The following PTPRD variants were observed in gnomAD, a reference collection of about 807,000 sequenced individuals.
PTPRD encodes protein tyrosine phosphatase receptor type D, also known as receptor-type tyrosine-protein phosphatase delta.
A neutral mutation model predicts 214.5 loss-of-function variants in PTPRD; 34 were observed. That is an observed-to-expected ratio of 0.16 (90% CI 0.12 to 0.21). PTPRD has a LOEUF of 0.21. Ranked by LOEUF, PTPRD falls within the 10% of genes least tolerant of loss-of-function variation. PTPRD has a pLI of 1.00. For missense variants in PTPRD, 2,545 were observed against 2,398.7 expected (o/e 1.06, Z -1.27); for synonymous variants, 1,128 against 845.7 (o/e 1.33, Z -5.79).
At chr9:10,605,742 C>G (rs370692736) in intron 2 of PTPRD, among the ~76,000 whole-genome samples, 2 of 151,716 alleles carry the variant, frequency 1.3e-5, no homozygotes, top group Non-Finnish European at 2.9e-5. Context: ...TTTATGATAA[C>G]GTGGATACAT....
Position 9,887,867 on chromosome 9 carries a change from A to G in PTPRD, c.-368+50640T>C, listed in dbSNP as rs2071567473. ...TATGGAATATCTATTCCATTACCTGAAAAACAAATAAGACAAATGTGTCCC... is the reference window on the plus strand; with the variant it reads ...TATGGAATATCTATTCCATTACCTGGAAAACAAATAAGACAAATGTGTCCC... On this transcript the variant is annotated intron_variant, in intron 5 of 45. Transcript: ENST00000381196. 2.0e-5 allele frequency among the ~76,000 whole-genome samples: 3 copies of G among 152,152 alleles called. No homozygotes were observed. The South Asian group carries it at 6.2e-4, about 32-fold the overall frequency.
chr9:9,641,042 A>G (rs1554758079), intron 7 of PTPRD, among the ~76,000 whole-genome samples: 2 of 97,876 alleles, frequency 2.0e-5, no homozygotes, highest in Non-Finnish European at 5.7e-5. Flanking sequence ...ATTACTAATG[A>G]TTTTGGCAGC....
intron 3 of PTPRD, among the ~76,000 whole-genome samples, chr9:10,323,922 G>T (rs530378480): frequency 2.6e-5 from 4 of 151,926 alleles, no homozygotes; most frequent in Non-Finnish European, 5.9e-5. Context: ...AAGAGCACTT[G>T]TTCTCTAAGG....
intron 8 of PTPRD, among the ~76,000 whole-genome samples, chr9:9,427,153 TA>T (rs2081278952): frequency 6.6e-6 from 1 of 152,106 alleles, no homozygotes; most frequent in African/African-American, 2.4e-5. Context: ...ACAAAGAAGC[TA>T]AAAACCTTGA....
At chr9:9,650,631 T>C (rs1276907164) in intron 7 of PTPRD, among the ~76,000 whole-genome samples, 1 of 152,148 alleles carries the variant, frequency 6.6e-6, no homozygotes, top group African/African-American at 2.4e-5. Flanking sequence ...TCTCAGAGAA[T>C]GAAGGGTGAG....
intron 8 of PTPRD, among the ~76,000 whole-genome samples, chr9:9,477,126 C>G (rs1461700389): frequency 6.6e-6 from 1 of 152,114 alleles, no homozygotes; most frequent in African/African-American, 2.4e-5. Context: ...GCAAATGGTC[C>G]AAGAATGTAG....
chr9:10,521,889 A>T (rs1464335926), intron 2 of PTPRD, among the ~76,000 whole-genome samples: 1 of 152,158 alleles, frequency 6.6e-6, no homozygotes, highest in African/African-American at 2.4e-5. Context: ...GAAATGGGGA[A>T]CCAAAAAATA....
intron 36 of PTPRD, among the ~76,000 whole-genome samples, chr9:8,397,265 G>A (rs990498956): frequency 2.6e-5 from 4 of 151,956 alleles, no homozygotes; most frequent in African/African-American, 7.3e-5. Flanking sequence ...AGAGAAATCC[G>A]GAGGGAGAAA....
chr9:10,610,347 C>T (rs1457001113), intron 2 of PTPRD, among the ~76,000 whole-genome samples: 1 of 152,128 alleles, frequency 6.6e-6, no homozygotes, highest in Non-Finnish European at 1.5e-5. Context: ...ATGTTACTTA[C>T]AAATATTTGC....
chr9:10,143,180 C>T (rs893184872), intron 3 of PTPRD, among the ~76,000 whole-genome samples: 31 of 151,844 alleles, frequency 2.0e-4, no homozygotes, highest in African/African-American at 6.8e-4. Context: ...TGCTAGATGA[C>T]GAGTTAGTGG....
At chr9:9,531,371 T>A (rs1014927301) in intron 8 of PTPRD, among the ~76,000 whole-genome samples, 1 of 152,158 alleles carries the variant, frequency 6.6e-6, no homozygotes, top group Non-Finnish European at 1.5e-5. Context: ...AAGTACCTAT[T>A]AGTAATTGGA....
At chr9:8,534,027 A>C (rs2076330791) in intron 14 of PTPRD, among the ~76,000 whole-genome samples, 2 of 152,030 alleles carry the variant, frequency 1.3e-5, no homozygotes, top group Non-Finnish European at 2.9e-5. Context: ...TATTAGAATT[A>C]GAGACTTAAA....
intron 14 of PTPRD, among the ~76,000 whole-genome samples, chr9:8,532,306 T>C (rs2075905539): frequency 6.6e-6 from 1 of 152,114 alleles, no homozygotes; most frequent in Non-Finnish European, 1.5e-5. Flanking sequence ...CTAATTGGAA[T>C]GCTTATCTCC....
intron 3 of PTPRD, among the ~76,000 whole-genome samples, chr9:10,077,019 C>T (rs2098142347): frequency 6.6e-6 from 1 of 152,118 alleles, no homozygotes; most frequent in Non-Finnish European, 1.5e-5. Flanking sequence ...AATCTGATGT[C>T]CATAGCTGAA....
intron 14 of PTPRD, among the ~76,000 whole-genome samples, chr9:8,580,253 G>C (rs574223603): frequency 4.6e-5 from 7 of 152,286 alleles, no homozygotes; most frequent in Admixed American, 3.3e-4. Context: ...ATAAGCATTA[G>C]AGGGAGATAA....
At chr9:9,353,513 T>A (rs2052350300) in intron 9 of PTPRD, among the ~76,000 whole-genome samples, 1 of 151,756 alleles carries the variant, frequency 6.6e-6, no homozygotes, top group African/African-American at 2.4e-5. Context: ...TATATTGCAA[T>A]CTTGAGTGAT....
chr9:9,567,153 T>G (rs1230926271), intron 8 of PTPRD, among the ~76,000 whole-genome samples: 1 of 151,960 alleles, frequency 6.6e-6, no homozygotes, highest in Non-Finnish European at 1.5e-5. Context: ...GCATTTGAGC[T>G]GAAATTTGAA....
At chr9:10,382,966 A>G (rs761129865) in intron 2 of PTPRD, among the ~76,000 whole-genome samples, 6 of 151,826 alleles carry the variant, frequency 4.0e-5, no homozygotes, top group Non-Finnish European at 7.4e-5. Flanking sequence ...GAGCTTCTGA[A>G]TGAGTTGGAA....
chr9:9,771,834 G>A (rs1255100120), intron 5 of PTPRD, among the ~76,000 whole-genome samples: 2 of 152,072 alleles, frequency 1.3e-5, no homozygotes, highest in African/African-American at 4.8e-5. Context: ...CAGATGTGTT[G>A]TAAACAGAAT....
Sources: gnomAD v4.1 joint callset for allele counts (sites outside exome capture counted in the v4.1 genomes callset) on GRCh38, gnomAD v4.1.1 for gene constraint, MANE v1.5 for transcripts, NCBI Gene and HGNC (gene_info 2026-07-23, HGNC 2026-07-21) for gene names.